Variants in COMMD8 observed in about 807,000 individuals in gnomAD.
COMMD8 encodes the protein COMM domain-containing protein 8.
COMMD8 carries 28 observed loss-of-function variants against 27.2 expected under a neutral mutation model. The ratio of observed to expected loss-of-function variants is 1.03; its 90% CI spans 0.76 to 1.41. The LOEUF (loss-of-function observed/expected upper bound fraction) is 1.41. COMMD8 is among the 40% of genes most tolerant of loss of function. COMMD8 has a pLI of 0.00. For missense variants in COMMD8, 217 were observed against 211.2 expected (o/e 1.03, Z -0.17); for synonymous variants, 79 against 75.5 (o/e 1.05, Z -0.24).
intron 2 of COMMD8, among the ~76,000 whole-genome samples, chr4:47,459,117 T>C (rs1393927331): frequency 1.3e-5 from 2 of 152,102 alleles, no homozygotes; most frequent in Non-Finnish European, 2.9e-5. Context: ...AAAACATTAA[T>C]AGTATTAGCC....
At chr4:47,453,530 C>T (rs547930961) in intron 3 of COMMD8, among the ~76,000 whole-genome samples, 1 of 152,158 alleles carries the variant, frequency 6.6e-6, no homozygotes, top group South Asian at 2.1e-4. Flanking sequence ...ACAGAGAATT[C>T]TTAAAGAAGA....
chr4:47,462,221 G>A (rs899811582), intron 1 of COMMD8, among the ~76,000 whole-genome samples: 2 of 152,186 alleles, frequency 1.3e-5, no homozygotes, highest in Admixed American at 1.3e-4. Flanking sequence ...GAGAGAGGGT[G>A]AGCCCAGATG....
intron 3 of COMMD8, among the ~76,000 whole-genome samples, chr4:47,454,776 A>T (rs1729842029): frequency 6.6e-6 from 1 of 150,646 alleles, no homozygotes; most frequent in African/African-American, 2.4e-5. Context: ...GAGGCAGGAG[A>T]ATCACTTGAA....
chr4:47,457,672 A>C (rs1259319817), intron 2 of COMMD8, among the ~76,000 whole-genome samples: 1 of 152,116 alleles, frequency 6.6e-6, no homozygotes, highest in African/African-American at 2.4e-5. Flanking sequence ...ACTAATGAGA[A>C]AAGGTAACCA....
rs1729740302 is a variant in COMMD8, at chr4:47,451,104, G to GA, written c.*540dup. On this transcript the variant is annotated 3_prime_UTR_variant, in exon 5 of 5. Transcript: ENST00000381571. Reference sequence around the variant, plus strand: ...AGAGTATTTGTTCTTGTTTATCTCTGACAAAGAGGTGTTCTCTAAGAAATT... The same window carrying GA: ...AGAGTATTTGTTCTTGTTTATCTCTGAACAAAGAGGTGTTCTCTAAGAAATT... 1 of 152,312 alleles carries GA rather than the reference G, an allele frequency of 6.6e-6. No individual in the cohort carries two copies. Among genetic ancestry groups the GA allele is most frequent in the African/African-American group, 2.4e-5 (1 of 41,442 alleles). 9.4% of individuals were successfully genotyped at this position (152,312 alleles called of 1,614,324 possible). A position where few individuals can be genotyped will look rare whatever the true frequency, so the allele number is the denominator to read the frequency against.
Position 47,451,537 on chromosome 4 carries a change from C to T in COMMD8, c.*108G>A. 1 of 813,572 alleles carries T rather than the reference C, an allele frequency of 1.2e-6. No homozygotes were observed. Among genetic ancestry groups the T allele is most frequent in the Non-Finnish European group, 2.1e-6 (1 of 487,204 alleles). The allele number at this position is 813,572 out of a possible 1,614,324, so 50.4% of individuals were successfully genotyped here. On this transcript the variant is annotated 3_prime_UTR_variant, in exon 5 of 5. Coordinates refer to ENST00000381571, the MANE Select transcript of COMMD8 (RefSeq NM_017845.5). ...AATATCAATATTGCTGCTTTCTCAG[C>T]CTGGTGCAACAGTCAAGACATCACA... is the stretch of plus-strand genomic sequence containing the variant.
chr4:47,462,560 C>T (rs1730087605), intron 1 of COMMD8, among the ~76,000 whole-genome samples: 1 of 152,052 alleles, frequency 6.6e-6, no homozygotes, highest in Non-Finnish European at 1.5e-5. Flanking sequence ...ATTCTTGAAC[C>T]ATAGAGGAAG....
At chr4:47,456,492 C>T in intron 3 of COMMD8, 85 bp downstream of exon 3, 1 of 959,994 alleles carries the variant, frequency 1.0e-6, no homozygotes, top group African/African-American at 1.8e-5. Context: ...CCCAAAATAA[C>T]AAATTTTATA....
chr4:47,463,443 A>C, intron 1 of COMMD8, 143 bp downstream of exon 1: 1 of 764,128 alleles, frequency 1.3e-6, no homozygotes, highest in Non-Finnish European at 2.1e-6. Context: ...GAAGGCGGGG[A>C]CCAACCACCC....
intron 1 of COMMD8, among the ~76,000 whole-genome samples, chr4:47,462,214 A>C (rs750915845): frequency 1.3e-5 from 2 of 152,218 alleles, no homozygotes; most frequent in Non-Finnish European, 2.9e-5. Flanking sequence ...GATGTAAGAG[A>C]GAGGGTGAGC....
In COMMD8 at chr4:47,451,104, G is replaced by A. The variant is rs1253757862; in HGVS notation, c.*541C>T. The A allele has an allele frequency of 6.6e-6, 1 of 152,312 alleles. No homozygotes were observed. Among genetic ancestry groups the A allele is most frequent in the Admixed American group, 6.5e-5 (1 of 15,272 alleles). The allele number at this position is 152,312 out of a possible 1,614,324, so 9.4% of individuals were successfully genotyped here. On this transcript the variant is annotated 3_prime_UTR_variant, in exon 5 of 5. Transcript: ENST00000381571. ...AGAGTATTTGTTCTTGTTTATCTCT[G>A]ACAAAGAGGTGTTCTCTAAGAAATT...
intron 1 of COMMD8, 66 bp downstream of exon 1, chr4:47,463,520 T>G: frequency 6.8e-7 from 1 of 1,471,284 alleles, no homozygotes; most frequent in Non-Finnish European, 9.2e-7. Context: ...GCACCCGGCC[T>G]GATCCGCACG....
chr4:47,456,457 T>C (rs1374287616), intron 3 of COMMD8, 120 bp downstream of exon 3: 2 of 623,580 alleles, frequency 3.2e-6, no homozygotes, highest in Non-Finnish European at 5.0e-6. Context: ...AAACTATCTT[T>C]GATATTTCTT....
At chr4:47,460,397 T>C in intron 1 of COMMD8, 98 bp from the exon 2 acceptor site, 2 of 954,978 alleles carry the variant, frequency 2.1e-6, no homozygotes, top group South Asian at 3.1e-5. Context: ...GTTCATGTTA[T>C]CTGCAAGACC....
rs1373765727 is a variant in COMMD8 at position 47,460,091 on chromosome 4, GA to G, written c.222+52del. 15 of 1,497,574 alleles carry G rather than the reference GA, an allele frequency of 1.0e-5. No individual in the cohort carries two copies. The East Asian group carries it at 3.4e-4, about 34-fold the overall frequency. The allele number at this position is 1,497,574 out of a possible 1,614,324, so 92.8% of individuals were successfully genotyped here. On this transcript the variant is annotated intron_variant, in intron 2 of 4. Coordinates refer to ENST00000381571, the MANE Select transcript of COMMD8 (RefSeq NM_017845.5). ...TATACATTGCTCTAAAAAACTCAGA[GA>G]GAAACCTGAGCATTATTTATTGTAA...
intron 3 of COMMD8, 31 bp from the exon 4 acceptor site, chr4:47,453,245 A>T: frequency 6.3e-7 from 1 of 1,586,358 alleles, no homozygotes; most frequent in Non-Finnish European, 8.6e-7. Context: ...AGCAATTAAT[A>T]AATAGTAAAA....
At chr4:47,452,767 G>A (rs1200601061) in intron 4 of COMMD8, among the ~76,000 whole-genome samples, 2 of 152,200 alleles carry the variant, frequency 1.3e-5, no homozygotes, top group Non-Finnish European at 1.5e-5. Flanking sequence ...AGGCCAAGGC[G>A]AGTAGATCAC....
At chr4:47,454,832 C>A (rs1440468453) in intron 3 of COMMD8, among the ~76,000 whole-genome samples, 3 of 140,694 alleles carry the variant, frequency 2.1e-5, no homozygotes, top group Admixed American at 1.5e-4. Flanking sequence ...CCATTGCACT[C>A]CAGCCTGGGC....
Position 47,463,698 on chromosome 4 carries a change from T to G in COMMD8, c.-47A>C, listed in dbSNP as rs576133761. ...GGGTCACGTGTCAAGGCTGGCCGCT[T>G]GTCTAAAGCTACGACTCGCCCACGT... is the stretch of plus-strand genomic sequence containing the variant. On this transcript the variant is annotated 5_prime_UTR_variant, in exon 1 of 5. Coordinates refer to ENST00000381571, the MANE Select transcript of COMMD8 (RefSeq NM_017845.5). The G allele has an allele frequency of 5.6e-5, 84 of 1,505,134 alleles. No homozygotes were observed. The highest frequency in any genetic ancestry group is 6.8e-5 in the Non-Finnish European group (76 of 1,119,226). 93.2% of individuals were successfully genotyped at this position (1,505,134 alleles called of 1,614,324 possible).
Sources: gnomAD v4.1 joint callset for allele counts (sites outside exome capture counted in the v4.1 genomes callset) on GRCh38, gnomAD v4.1.1 for gene constraint, MANE v1.5 for transcripts, NCBI Gene and HGNC (gene_info 2026-07-23, HGNC 2026-07-21) for gene names.